Variants in CLTCL1 observed in about 807,000 individuals in gnomAD.
CLTCL1 encodes clathrin heavy chain 2.
Under a neutral mutation model 190.0 loss-of-function variants are expected in CLTCL1, and 159 were observed. The observed-to-expected ratio is 0.84, with a 90% confidence interval of 0.74 to 0.95. The LOEUF (loss-of-function observed/expected upper bound fraction) is 0.95, where lower values mean the gene tolerates loss of function less well. Among genes scored for constraint, CLTCL1 ranks in the 40% least tolerant of loss-of-function variants. CLTCL1 has a pLI of 0.00. For missense variants in CLTCL1, 1,878 were observed against 2,033.4 expected (o/e 0.92, Z 1.47); for synonymous variants, 752 against 769.6 (o/e 0.98, Z 0.38).
chr22:19,198,796 G>A lies in CLTCL1; in HGVS notation c.3873+938C>T, dbSNP rs1555937358. Among the ~76,000 whole-genome samples, 1 of 152,162 alleles carries A rather than the reference G, an allele frequency of 6.6e-6. No individual in the cohort carries two copies. The highest frequency in any genetic ancestry group is 2.4e-5 in the African/African-American group (1 of 41,426). On this transcript the variant is annotated intron_variant, in intron 24 of 32. Coordinates refer to ENST00000427926, the MANE Select transcript of CLTCL1 (RefSeq NM_007098.4). This position sits in a 1 kb window ranked among gnomAD's most constrained non-coding sequence, Gnocchi z 4.1. ...TGCCTGCCAACCTTGCTGAATGCCAGTTCAATTAAATAGAGGCTTTTCTGT... is the reference window on the plus strand; with the variant it reads ...TGCCTGCCAACCTTGCTGAATGCCAATTCAATTAAATAGAGGCTTTTCTGT...
chr22:19,220,796 AG>A (rs1555951867), intron 17 of CLTCL1, among the ~76,000 whole-genome samples: 1 of 152,246 alleles, frequency 6.6e-6, no homozygotes. Context: ...ATGATTAGGT[AG>A]GAACAGTTCA....
chr22:19,233,461 C>A lies in CLTCL1; in HGVS notation c.1329G>T (p.Gly443=). 6.2e-7 allele frequency: 1 copy of A among 1,613,822 alleles called. No individual in the cohort carries two copies. The highest frequency in any genetic ancestry group is 8.5e-7 in the Non-Finnish European group (1 of 1,179,814). The part of the protein sequence containing the change: ...LELCHLVLQQ[G]RKQLLEKWLK... Reference sequence around the variant, plus strand: ...GCCACTTCTCTAGGAGTTGCTTACGCCCCTGCTGAAGAACCAGATGGCAAA... The same window carrying A: ...GCCACTTCTCTAGGAGTTGCTTACGACCCTGCTGAAGAACCAGATGGCAAA... The change falls in exon 8 of 33, where the codon GGG becomes GGT. Residue 443 remains glycine, a synonymous_variant. Transcript: ENST00000427926.
chr22:19,269,474 T>C (rs2087232365), intron 2 of CLTCL1, among the ~76,000 whole-genome samples: 1 of 152,178 alleles, frequency 6.6e-6, no homozygotes, highest in Admixed American at 6.6e-5. Flanking sequence ...TGAAAATATA[T>C]GTCCACATGC....
At chr22:19,280,115 G>C (rs1304269164) in intron 1 of CLTCL1, among the ~76,000 whole-genome samples, 1 of 152,182 alleles carries the variant, frequency 6.6e-6, no homozygotes, top group African/African-American at 2.4e-5. Context: ...TAACAGATTT[G>C]AAAGGACTAT....
At chr22:19,207,807 C>A in intron 22 of CLTCL1, 1 of 599,258 alleles carries the variant, frequency 1.7e-6, no homozygotes, top group East Asian at 2.8e-5. Flanking sequence ...GTGTTGCATG[C>A]TTCTTATGAA....
At chr22:19,204,180 G>A (rs1315021783) in intron 22 of CLTCL1, among the ~76,000 whole-genome samples, 3 of 152,064 alleles carry the variant, frequency 2.0e-5, no homozygotes, top group Non-Finnish European at 4.4e-5. Flanking sequence ...GTCCAGTCTC[G>A]CCCAGAGCAG....
At chr22:19,199,984 A>T in intron 23 of CLTCL1, 143 bp from the exon 24 acceptor site, 1 of 594,164 alleles carries the variant, frequency 1.7e-6, no homozygotes, top group Non-Finnish European at 3.0e-6. Flanking sequence ...AGCTAACTCT[A>T]TGATGAATTG....
rs374653579 is a variant in CLTCL1 at position 19,196,598 on chromosome 22, C to T, written c.3932G>A (p.Arg1311Gln). 2.6e-5 allele frequency: 42 copies of T among 1,613,656 alleles called. No homozygotes were observed. The highest frequency in any genetic ancestry group is 4.5e-5 in the East Asian group (2 of 44,856). ...LLLEAALGLE[R>Q]AHMGMFTELA... ...CTCAGTGAACATGCCCATGTGGGCC[C>T]GCTCCAGGCCCAGGGCCGCTTCCAA... The change falls in exon 25 of 33, where the codon CGG (arginine) becomes CAG (glutamine). Residue 1311 changes from arginine to glutamine, a missense_variant. Coordinates refer to ENST00000427926, the MANE Select transcript of CLTCL1 (RefSeq NM_007098.4).
At chr22:19,193,970 G>A (rs1821438784) in intron 26 of CLTCL1, among the ~76,000 whole-genome samples, 1 of 152,232 alleles carries the variant, frequency 6.6e-6, no homozygotes, top group South Asian at 2.1e-4. Context: ...CGAACAGGTT[G>A]CACTGCTGGC....
chr22:19,253,083 C>T (rs561749209), intron 3 of CLTCL1, among the ~76,000 whole-genome samples: 2 of 149,908 alleles, frequency 1.3e-5, no homozygotes, highest in East Asian at 3.9e-4. Flanking sequence ...GAGTTAGTAA[C>T]ATTCCAGTAA....
At chr22:19,288,801 C>T (rs1412364624) in intron 1 of CLTCL1, among the ~76,000 whole-genome samples, 1 of 152,240 alleles carries the variant, frequency 6.6e-6, no homozygotes, top group Non-Finnish European at 1.5e-5. Context: ...AGATTCCAAG[C>T]TCATGCACAA....
In CLTCL1 at chr22:19,222,010, C is replaced by T. The variant is rs1424735975; in HGVS notation, c.2502G>A (p.Met834Ile). The T allele has an allele frequency of 6.2e-7, 1 of 1,613,782 alleles. No individual in the cohort carries two copies. The highest frequency in any genetic ancestry group is 1.7e-5 in the Admixed American group (1 of 60,006). The change falls in exon 16 of 33, where the codon ATG becomes ATA. Residue 834 changes from methionine (M) to isoleucine (I), a missense_variant. Met to Ile is a conservative substitution (Grantham distance 10). Transcript: ENST00000427926. ...CAGTAGAGAACTGTCCTCTCACTGC[C>T]ATGATTAAGTGTTTAATCACTTCCT... is the stretch of plus-strand genomic sequence containing the variant. ...CSEEVIKHLI[M>I]AVRGQFSTDE...
chr22:19,270,137 T>C (rs1199385003), intron 2 of CLTCL1, among the ~76,000 whole-genome samples: 2 of 151,716 alleles, frequency 1.3e-5, no homozygotes, highest in Non-Finnish European at 2.9e-5. Context: ...TATTAGACAA[T>C]AAAAAGGAAC....
At chr22:19,269,787 G>A (rs1179914776) in intron 2 of CLTCL1, among the ~76,000 whole-genome samples, 1 of 152,114 alleles carries the variant, frequency 6.6e-6, no homozygotes, top group Non-Finnish European at 1.5e-5. Context: ...TCAGGGGAGT[G>A]GGGGGCGAAG....
intron 3 of CLTCL1, chr22:19,249,987 C>T (rs1555969337): frequency 5.1e-5 from 18 of 350,902 alleles, no homozygotes. Context: ...GGCGCGGTGG[C>T]TCACACCTGT....
intron 1 of CLTCL1, among the ~76,000 whole-genome samples, chr22:19,288,564 G>A (rs893911468): frequency 6.6e-5 from 10 of 152,194 alleles, no homozygotes; most frequent in African/African-American, 2.2e-4. Context: ...GCACAAAAAA[G>A]CTACAAACAT....
chr22:19,274,042 A>C (rs2087414500), intron 2 of CLTCL1, among the ~76,000 whole-genome samples: 1 of 152,180 alleles, frequency 6.6e-6, no homozygotes, highest in African/African-American at 2.4e-5. Context: ...TCCGCACTGC[A>C]CATTGTTAAA....
chr22:19,229,756 A>T, intron 11 of CLTCL1, 82 bp downstream of exon 11: 1 of 1,400,714 alleles, frequency 7.1e-7, no homozygotes, highest in East Asian at 2.6e-5. Flanking sequence ...AGCCCAGTCC[A>T]AAGCCACTGT....
intron 7 of CLTCL1, 134 bp from the exon 8 acceptor site, chr22:19,233,756 A>G: frequency 1.4e-6 from 1 of 724,986 alleles, no homozygotes; most frequent in Non-Finnish European, 2.3e-6. Flanking sequence ...AAAGTCCTCT[A>G]CCAAGGCAAC....
Sources: allele counts gnomAD v4.1 joint callset (sites outside exome capture counted in the v4.1 genomes callset), GRCh38; gene constraint gnomAD v4.1.1; non-coding constraint Gnocchi (gnomAD v3.1); transcripts MANE v1.5; gene names NCBI Gene and HGNC (gene_info 2026-07-23, HGNC 2026-07-21).